CRACR2A: variants seen among roughly 807,000 people sequenced by gnomAD.
The protein encoded by CRACR2A is EF-hand calcium-binding domain-containing protein 4B.
CRACR2A carries 79 observed loss-of-function variants against 90.5 expected under a neutral mutation model. The observed-to-expected ratio is 0.87, with a 90% CI of 0.73 to 1.05. The LOEUF is 1.05. Among genes scored for constraint, CRACR2A ranks in the 50% least tolerant of loss-of-function variants. The pLI is 0.00. For synonymous variants in CRACR2A, 338 were observed against 356.7 expected (o/e 0.95, Z 0.59); for missense variants, 823 against 897.2 (o/e 0.92, Z 1.06).
At chr12:3,619,234 C>G in intron 18 of CRACR2A, 37 bp downstream of exon 18, 1 of 1,524,074 alleles carries the variant, frequency 6.6e-7, no homozygotes, top group Non-Finnish European at 8.9e-7. Flanking sequence ...CTCGGGGTCA[C>G]ACTCTGTCCA....
At chr12:3,676,946 T>C (rs1296773135) in intron 6 of CRACR2A, among the ~76,000 whole-genome samples, 2 of 152,184 alleles carry the variant, frequency 1.3e-5, no homozygotes, top group African/African-American at 4.8e-5. Context: ...TACTTAGTCA[T>C]GGCAACAACA....
intron 1 of CRACR2A, among the ~76,000 whole-genome samples, chr12:3,742,922 T>A (rs1946550247): frequency 6.6e-6 from 1 of 152,246 alleles, no homozygotes; most frequent in Non-Finnish European, 1.5e-5. Context: ...TGCGCTTGTG[T>A]CTGGTCAAAA....
chr12:3,666,053 G>C (rs1225645905), intron 7 of CRACR2A, among the ~76,000 whole-genome samples: 1 of 152,076 alleles, frequency 6.6e-6, no homozygotes, highest in Non-Finnish European at 1.5e-5. Context: ...GCCCTGCTAG[G>C]GGGAAGTAAA....
chr12:3,738,069 A>G (rs1440162147), intron 1 of CRACR2A, among the ~76,000 whole-genome samples: 7 of 152,236 alleles, frequency 4.6e-5, no homozygotes. Flanking sequence ...GTATTCATAA[A>G]GTGCATTCAG....
chr12:3,701,710 G>A (rs747547616), intron 3 of CRACR2A, among the ~76,000 whole-genome samples: 9 of 152,030 alleles, frequency 5.9e-5, no homozygotes, highest in Non-Finnish European at 8.8e-5. Flanking sequence ...CTTCAGGTCC[G>A]CATAGCTAAA....
rs1413105891 is a variant in CRACR2A at position 3,696,865 on chromosome 12, C to T, written c.135G>A (p.Thr45=). The T allele has an allele frequency of 4.3e-6, 7 of 1,614,110 alleles. No individual in the cohort carries two copies. The highest frequency in any genetic ancestry group is 3.3e-5 in the Admixed American group (2 of 60,006). ...TCCTCAGCATGACTAGCTGGCCCGA[C>T]GTTTGCTCCTGAGTCTCCTTCTGCT... ...SLEQKETQEQ[T]SGQLVMLRKA... Residue 45 remains threonine (T), a synonymous_variant, in exon 4 of 20, where the codon ACG becomes ACA. Coordinates refer to ENST00000440314, the MANE Select transcript of CRACR2A (RefSeq NM_001144958.2).
chr12:3,650,294 C>G (rs537013886), intron 10 of CRACR2A, among the ~76,000 whole-genome samples: 1 of 152,276 alleles, frequency 6.6e-6, no homozygotes, highest in East Asian at 1.9e-4. Context: ...AACCTGATTC[C>G]TTAAGCACGA....
At chr12:3,648,676 C>T (rs888140992) in intron 10 of CRACR2A, 63 bp from the exon 11 acceptor site, 2 of 1,563,650 alleles carry the variant, frequency 1.3e-6, no homozygotes, top group African/African-American at 2.7e-5. Flanking sequence ...CCGGACCCCT[C>T]ATGCTGGAGA....
chr12:3,674,062 C>T (rs556511407), intron 6 of CRACR2A, among the ~76,000 whole-genome samples: 1 of 152,282 alleles, frequency 6.6e-6, no homozygotes, highest in East Asian at 1.9e-4. Context: ...AGGACAGGAG[C>T]CCAGTGCGTT....
chr12:3,726,829 A>G (rs1296286648), intron 2 of CRACR2A: 1 of 151,918 alleles, frequency 6.6e-6, no homozygotes, highest in Non-Finnish European at 1.5e-5. Flanking sequence ...GGTCTTTAGC[A>G]GTAAAGAAAA....
In CRACR2A at chr12:3,740,075, C is replaced by T. The variant is rs577330515; in HGVS notation, c.-386-6865G>A. Reference sequence around the variant, plus strand: ...ATGCTGGTCCATCCGTACTGCAAAACGACATATCCTGCTCATCCTCTTTCC... The same window carrying T: ...ATGCTGGTCCATCCGTACTGCAAAATGACATATCCTGCTCATCCTCTTTCC... On this transcript the variant is annotated intron_variant, in intron 1 of 19. Coordinates refer to ENST00000440314, the MANE Select transcript of CRACR2A (RefSeq NM_001144958.2). Among the ~76,000 whole-genome samples the T allele has an allele frequency of 1.4e-4, 21 of 152,160 alleles. 1 individual carries two copies. In the South Asian group the frequency reaches 3.3e-3, roughly 24 times the overall value.
At position 3,644,611 on chromosome 12, in the gene CRACR2A, C is replaced by T. The variant is rs1262956042; in HGVS notation, c.1148G>A (p.Arg383Gln). 4 of 1,551,574 alleles carry T rather than the reference C, an allele frequency of 2.6e-6. No homozygotes were observed. The highest frequency in any genetic ancestry group is 2.4e-5 in the East Asian group (1 of 40,924). Residue 383 changes from arginine to glutamine, a missense_variant, in exon 12 of 20, where the codon CGG (arginine) becomes CAG (glutamine). Transcript: ENST00000440314. ...GCCAATTACCTGAAAACATATGTCC[C>T]GTTCATCCCGAAGGTGCTTGTTCCT... Reference protein sequence around the residue: ...RERNKHLRDERDICFQKNKAA... With the variant: ...RERNKHLRDEQDICFQKNKAA...
At chr12:3,707,112 G>A (rs939904338) in intron 3 of CRACR2A, among the ~76,000 whole-genome samples, 1 of 152,144 alleles carries the variant, frequency 6.6e-6, no homozygotes, top group Non-Finnish European at 1.5e-5. Context: ...CCACCAAGAA[G>A]GTGAATATGC....
At chr12:3,629,126 CTGCACACACA>C (rs1025769292) in intron 15 of CRACR2A, among the ~76,000 whole-genome samples, 1 of 152,200 alleles carries the variant, frequency 6.6e-6, no homozygotes, top group East Asian at 1.9e-4. Context: ...TGTGAGTTAT[CTGCACACACA>C]TGCACACATA....
intron 4 of CRACR2A, among the ~76,000 whole-genome samples, chr12:3,691,957 G>T (rs1370212216): frequency 6.6e-6 from 1 of 152,142 alleles, no homozygotes; most frequent in African/African-American, 2.4e-5. Context: ...ACTTGTGATT[G>T]AATCATGAAA....
chr12:3,730,122 C>T (rs1026434625), intron 2 of CRACR2A: 7 of 152,134 alleles, frequency 4.6e-5, no homozygotes, highest in Admixed American at 2.6e-4. Context: ...GGGCAGGGGC[C>T]GATGAAGAAG....
At chr12:3,680,159 T>C in intron 5 of CRACR2A, 79 bp downstream of exon 5, 1 of 1,210,994 alleles carries the variant, frequency 8.3e-7, no homozygotes, top group African/African-American at 1.5e-5. Flanking sequence ...CCCCCAGGTC[T>C]ACAAGGGACA....
At chr12:3,743,256 C>A (rs59022589) in intron 1 of CRACR2A, among the ~76,000 whole-genome samples, 29,960 of 152,180 alleles carry the variant, frequency 0.2, 3,472 homozygotes, top group Admixed American at 0.29. Flanking sequence ...TTTTACCTGG[C>A]AGTTCCTTTT....
chr12:3,739,771 T>C (rs1591724001), intron 1 of CRACR2A, among the ~76,000 whole-genome samples: 1 of 151,970 alleles, frequency 6.6e-6, no homozygotes, highest in Non-Finnish European at 1.5e-5. Flanking sequence ...CCGTTTCTAC[T>C]AAAAATACAA....
Sources: gnomAD v4.1 joint callset for allele counts (sites outside exome capture counted in the v4.1 genomes callset) on GRCh38, gnomAD v4.1.1 for gene constraint, MANE v1.5 for transcripts, NCBI Gene and HGNC (gene_info 2026-07-23, HGNC 2026-07-21) for gene names.